The following SHISA9 variants were observed in gnomAD, a reference collection of about 807,000 sequenced individuals.
SHISA9 encodes protein shisa-9.
In SHISA9, 13 loss-of-function variants were observed where a neutral mutation model predicts 38.0. The ratio of observed to expected loss-of-function variants is 0.34; its 90% CI spans 0.22 to 0.54. The LOEUF (loss-of-function observed/expected upper bound fraction) is 0.54. Among genes scored for constraint, SHISA9 ranks in the 20% least tolerant of loss-of-function variants. The pLI is 0.91. For synonymous variants in SHISA9, 275 were observed against 242.0 expected (o/e 1.14, Z -1.27); for missense variants, 538 against 575.8 (o/e 0.93, Z 0.67).
the SHISA9 span, among the ~76,000 whole-genome samples, chr16:13,539,474 G>C: frequency 6.6e-6 from 1 of 150,682 alleles, no homozygotes; most frequent in African/African-American, 2.4e-5. Context: ...ACTATGCTTG[G>C]CCCTAACCAA....
chr16:13,015,482 A>G (rs2141856871), intron 2 of SHISA9, among the ~76,000 whole-genome samples: 1 of 152,362 alleles, frequency 6.6e-6, no homozygotes, highest in South Asian at 2.1e-4. Context: ...TCCAGTCGGC[A>G]TCTCCAAAGC....
chr16:12,972,193 G>A (rs1387916971), intron 2 of SHISA9, among the ~76,000 whole-genome samples: 1 of 152,082 alleles, frequency 6.6e-6, no homozygotes, highest in Non-Finnish European at 1.5e-5. Flanking sequence ...CACATTTAAA[G>A]GGTAGTGTCA....
At chr16:13,533,487 C>G in the SHISA9 span, among the ~76,000 whole-genome samples, 1 of 152,118 alleles carries the variant, frequency 6.6e-6, no homozygotes, top group African/African-American at 2.4e-5. Context: ...TGTCTTCTCT[C>G]CCAACCTCCA....
the SHISA9 span, among the ~76,000 whole-genome samples, chr16:13,288,533 C>T: frequency 6.6e-6 from 1 of 152,086 alleles, no homozygotes; most frequent in Non-Finnish European, 1.5e-5. Context: ...GGGTGGCTCA[C>T]TCCTATAATC....
the SHISA9 span, among the ~76,000 whole-genome samples, chr16:13,387,928 T>C: frequency 6.6e-6 from 1 of 151,148 alleles, no homozygotes; most frequent in Non-Finnish European, 1.5e-5. Context: ...AATCCCCTCC[T>C]AGAAAAAAAA....
chr16:13,498,338 C>T, the SHISA9 span, among the ~76,000 whole-genome samples: 1 of 152,194 alleles, frequency 6.6e-6, no homozygotes. Flanking sequence ...AAGACAGTGA[C>T]ATGGTCAACT....
At chr16:13,295,960 G>T in the SHISA9 span, among the ~76,000 whole-genome samples, 1 of 152,100 alleles carries the variant, frequency 6.6e-6, no homozygotes, top group South Asian at 2.1e-4. Flanking sequence ...CACCTTTTTT[G>T]AGCCTGTATC....
the SHISA9 span, among the ~76,000 whole-genome samples, chr16:13,505,217 A>G: frequency 6.6e-6 from 1 of 152,216 alleles, no homozygotes; most frequent in Non-Finnish European, 1.5e-5. Context: ...TGCTGTGCAG[A>G]ATGGCAAAAG....
intron 2 of SHISA9, among the ~76,000 whole-genome samples, chr16:12,927,644 A>T (rs951022030): frequency 2.6e-5 from 4 of 151,900 alleles, no homozygotes; most frequent in African/African-American, 9.7e-5. Context: ...CCTGGACTCA[A>T]GCAATCCTCT....
chr16:13,454,878 G>T, the SHISA9 span, among the ~76,000 whole-genome samples: 73 of 152,246 alleles, frequency 4.8e-4, no homozygotes, highest in Admixed American at 1.2e-3. Context: ...ACTCATTAGC[G>T]GAGGGAAGGG....
chr16:13,436,910 C>A, the SHISA9 span, among the ~76,000 whole-genome samples: 104 of 152,266 alleles, frequency 6.8e-4, 1 homozygote, highest in Non-Finnish European at 5.7e-4. Flanking sequence ...ATCAGGGTAA[C>A]CTTTGGTTTC....
At chr16:12,963,140 G>A (rs952827270) in intron 2 of SHISA9, among the ~76,000 whole-genome samples, 5 of 152,214 alleles carry the variant, frequency 3.3e-5, no homozygotes, top group African/African-American at 1.2e-4. Flanking sequence ...GAGGGAAGCA[G>A]GAGCCTGGGT....
At chr16:13,038,057 C>G (rs531167600) in intron 2 of SHISA9, among the ~76,000 whole-genome samples, 8 of 152,210 alleles carry the variant, frequency 5.3e-5, no homozygotes, top group Non-Finnish European at 1.0e-4. Context: ...GTGGCAAGAT[C>G]TCGGCTCACT....
chr16:13,220,568 T>C (rs2142073325), intron 4 of SHISA9, among the ~76,000 whole-genome samples: 1 of 152,332 alleles, frequency 6.6e-6, no homozygotes, highest in South Asian at 2.1e-4. Flanking sequence ...GGCTTAGAAT[T>C]CTTTCCCTTA....
chr16:13,094,440 T>G (rs1041592821), intron 2 of SHISA9, among the ~76,000 whole-genome samples: 7 of 152,016 alleles, frequency 4.6e-5, no homozygotes, highest in Middle Eastern at 3.2e-3. Context: ...TACATCTTGT[T>G]TACAGATGAC....
At chr16:13,560,626 G>T in the SHISA9 span, among the ~76,000 whole-genome samples, 1 of 151,996 alleles carries the variant, frequency 6.6e-6, no homozygotes, top group African/African-American at 2.4e-5. Context: ...TTCCATGCTA[G>T]GTTCTAGGGA....
At chr16:12,913,498 A>AT (rs1325069824) in intron 1 of SHISA9, among the ~76,000 whole-genome samples, 1 of 152,206 alleles carries the variant, frequency 6.6e-6, no homozygotes, top group African/African-American at 2.4e-5. Flanking sequence ...CAACCAGCCC[A>AT]TTTTTGTCAT....
the SHISA9 span, among the ~76,000 whole-genome samples, chr16:13,403,522 G>T: frequency 1.3e-5 from 2 of 152,200 alleles, no homozygotes; most frequent in African/African-American, 4.8e-5. Context: ...CTAATCCCAT[G>T]TGGAATGTTA....
intron 2 of SHISA9, among the ~76,000 whole-genome samples, chr16:13,152,523 T>A (rs1316949900): frequency 6.6e-6 from 1 of 152,220 alleles, no homozygotes. Context: ...GAGGGAAGTT[T>A]CAGAGTTCTG....
Sources: allele counts gnomAD v4.1 joint callset (sites outside exome capture counted in the v4.1 genomes callset), GRCh38; gene constraint gnomAD v4.1.1; transcripts MANE v1.5; gene names NCBI Gene and HGNC (gene_info 2026-07-23, HGNC 2026-07-21).